The following RNF185 variants were observed in gnomAD, a reference collection of about 807,000 sequenced individuals.
The protein encoded by RNF185 is ring finger protein 185.
RNF185 carries 13 observed loss-of-function variants against 24.9 expected under a neutral mutation model. The ratio of observed to expected loss-of-function variants is 0.52; its 90% confidence interval spans 0.34 to 0.83. RNF185 has a LOEUF of 0.83. RNF185 is among the 40% of genes least tolerant of loss of function. The pLI, the probability that RNF185 is intolerant of heterozygous loss-of-function variation, is 0.01. For synonymous variants in RNF185, 79 were observed against 90.3 expected, an observed-to-expected ratio of 0.88 and a Z score of 0.71; for missense variants, 184 against 244.7, an observed-to-expected ratio of 0.75 and a Z score of 1.65.
At chr22:31,182,932 A>ATTATTATTATTT (rs1286483808) in intron 1 of RNF185, 1 of 148,792 alleles carries the variant, frequency 6.7e-6, no homozygotes, top group Non-Finnish European at 1.5e-5. Context: ...TATTATTATT[A>ATTATTATTATTT]TTATTTTTGA....
intron 2 of RNF185, among the ~76,000 whole-genome samples, chr22:31,190,136 A>AT (rs1477868722): frequency 6.6e-6 from 1 of 152,258 alleles, no homozygotes; most frequent in Non-Finnish European, 1.5e-5. Flanking sequence ...CATGCAGTAC[A>AT]TAATGACATT....
At chr22:31,161,073 A>T (rs1265038454) in intron 1 of RNF185, among the ~76,000 whole-genome samples, 1 of 152,222 alleles carries the variant, frequency 6.6e-6, no homozygotes, top group Non-Finnish European at 1.5e-5. Flanking sequence ...TTAACTTTTT[A>T]AAAATTGAAA....
At chr22:31,171,074 G>A (rs956881109) in intron 1 of RNF185, among the ~76,000 whole-genome samples, 17 of 152,122 alleles carry the variant, frequency 1.1e-4, no homozygotes, top group African/African-American at 4.1e-4. Context: ...CTTAGTGTGA[G>A]AAGCTTTTTG....
At chr22:31,161,760 T>C (rs1293810059) in intron 1 of RNF185, among the ~76,000 whole-genome samples, 1 of 152,164 alleles carries the variant, frequency 6.6e-6, no homozygotes, top group Non-Finnish European at 1.5e-5. Flanking sequence ...TCTTCAGCAA[T>C]ATGTGTATAG....
In RNF185 at chr22:31,172,285, C is replaced by T. The variant is rs552460854; in HGVS notation, c.-49+11982C>T. On this transcript the variant is annotated intron_variant, in intron 1 of 6. Coordinates refer to ENST00000326132, the MANE Select transcript of RNF185 (RefSeq NM_152267.4). ...GGCAGATCACTTGAGGTCAGGAGTT[C>T]GAGACCAGCCTGACCAACATGGCGA... Among the ~76,000 whole-genome samples the T allele has an allele frequency of 3.2e-3, 478 of 151,636 alleles. 2 individuals carry two copies. Among genetic ancestry groups the T allele is most frequent in the African/African-American group, 0.011 (455 of 41,302 alleles).
At chr22:31,166,854 T>G (rs1288272565) in intron 1 of RNF185, among the ~76,000 whole-genome samples, 1 of 152,144 alleles carries the variant, frequency 6.6e-6, no homozygotes, top group African/African-American at 2.4e-5. Flanking sequence ...TTCACCATGC[T>G]GGCCAGGCTG....
At chr22:31,171,046 A>G (rs1484089176) in intron 1 of RNF185, among the ~76,000 whole-genome samples, 2 of 152,008 alleles carry the variant, frequency 1.3e-5, no homozygotes, top group African/African-American at 4.8e-5. Context: ...TAACACTATC[A>G]TCTCTGCCAA....
At chr22:31,178,740 T>C (rs1243841314) in intron 1 of RNF185, among the ~76,000 whole-genome samples, 4 of 152,188 alleles carry the variant, frequency 2.6e-5, no homozygotes, top group African/African-American at 4.8e-5. Context: ...TCAAATGTAA[T>C]TGGCATTGGA....
Position 31,192,675 on chromosome 22 carries a change from C to T in RNF185, c.177-9C>T, listed in dbSNP as rs1359021479. On this transcript the variant is annotated splice_polypyrimidine_tract_variant and intron_variant, in intron 2 of 6. Transcript: ENST00000326132. ...CCTTGATGACTGGTTGCCCTGGGGA[C>T]TCTGGCAGTTGGCCGTGTTTACATC... The T allele has an allele frequency of 6.2e-7, 1 of 1,613,600 alleles. No homozygotes were observed. Among genetic ancestry groups the T allele is most frequent in the Admixed American group, 1.7e-5 (1 of 60,020 alleles).
chr22:31,184,084 G>A (rs1428198966), intron 1 of RNF185, among the ~76,000 whole-genome samples: 2 of 149,710 alleles, frequency 1.3e-5, no homozygotes, highest in African/African-American at 2.5e-5. Context: ...CGGACGGGGC[G>A]GCTGGCCGGG....
At chr22:31,198,557 C>A (rs2048229904) in intron 5 of RNF185, among the ~76,000 whole-genome samples, 1 of 151,528 alleles carries the variant, frequency 6.6e-6, no homozygotes, top group Non-Finnish European at 1.5e-5. Flanking sequence ...GGCCACCATG[C>A]CCAGCTAATT....
At chr22:31,172,338 A>G (rs1363645308) in intron 1 of RNF185, among the ~76,000 whole-genome samples, 1 of 152,000 alleles carries the variant, frequency 6.6e-6, no homozygotes, top group Non-Finnish European at 1.5e-5. Flanking sequence ...AAATACAAAT[A>G]AATTAGGCAG....
chr22:31,174,740 AC>A (rs1467136297), intron 1 of RNF185, among the ~76,000 whole-genome samples: 34 of 151,946 alleles, frequency 2.2e-4, no homozygotes, highest in Admixed American at 2.2e-3. Flanking sequence ...GAAGCTTAAA[AC>A]CCAACAAATG....
chr22:31,201,459 C>A, intron 5 of RNF185, 39 bp from the exon 6 acceptor site: 1 of 1,478,666 alleles, frequency 6.8e-7, no homozygotes, highest in Non-Finnish European at 9.4e-7. Flanking sequence ...GAGAAACCTG[C>A]CTGATTCTCC....
At chr22:31,194,081 G>A (rs2048180842) in intron 3 of RNF185, among the ~76,000 whole-genome samples, 1 of 151,274 alleles carries the variant, frequency 6.6e-6, no homozygotes, top group Non-Finnish European at 1.5e-5. Context: ...TTTTAGTAGA[G>A]ACAACGGAGT....
chr22:31,168,753 T>C (rs2147922652), intron 1 of RNF185, among the ~76,000 whole-genome samples: 1 of 152,316 alleles, frequency 6.6e-6, no homozygotes, highest in South Asian at 2.1e-4. Flanking sequence ...ATAAAAATAG[T>C]AGTCATTCTG....
chr22:31,180,951 G>GTGTC (rs1419874369), intron 1 of RNF185, among the ~76,000 whole-genome samples: 6 of 150,636 alleles, frequency 4.0e-5, no homozygotes, highest in Non-Finnish European at 8.9e-5. Context: ...GTGTGTGTGT[G>GTGTC]TGTGTGTCTG....
Position 31,176,837 on chromosome 22 carries a change from G to A in RNF185, c.-48-10210G>A, listed in dbSNP as rs181699841. On this transcript the variant is annotated intron_variant, in intron 1 of 6. Coordinates refer to ENST00000326132, the MANE Select transcript of RNF185 (RefSeq NM_152267.4). ...TATGTCATGTAATTGAAATTCCTAC[G>A]TAAGCAAAATCTCTGTGGAAGCATT... is the stretch of plus-strand genomic sequence containing the variant. 2.2e-3 allele frequency among the ~76,000 whole-genome samples: 332 copies of A among 152,168 alleles called. 1 individual carries two copies. Among genetic ancestry groups the A allele is most frequent in the Non-Finnish European group, 2.2e-3 (147 of 68,006 alleles).
At chr22:31,175,450 CT>C (rs2047973856) in intron 1 of RNF185, among the ~76,000 whole-genome samples, 1 of 143,086 alleles carries the variant, frequency 7.0e-6, no homozygotes, top group Non-Finnish European at 1.5e-5. Context: ...GTGAAACTGT[CT>C]CAAAAAAAAA....
Sources: gnomAD v4.1 joint callset for allele counts (sites outside exome capture counted in the v4.1 genomes callset) on GRCh38, gnomAD v4.1.1 for gene constraint, MANE v1.5 for transcripts, NCBI Gene and HGNC (gene_info 2026-07-23, HGNC 2026-07-21) for gene names.